The following CDK17 variants were observed in gnomAD, a reference collection of about 807,000 sequenced individuals.
CDK17 encodes the protein cyclin-dependent kinase 17.
CDK17 carries 24 observed loss-of-function variants against 77.6 expected under a neutral mutation model. The observed-to-expected ratio is 0.31, with a 90% confidence interval of 0.22 to 0.44. The LOEUF (loss-of-function observed/expected upper bound fraction) is 0.44. Among genes scored for constraint, CDK17 ranks in the 20% least tolerant of loss-of-function variants. The probability of loss-of-function intolerance (pLI) is 1.00; values close to 1 mark genes in which losing one functional copy is unlikely to be tolerated. For synonymous variants in CDK17, 203 were observed against 210.4 expected (o/e 0.96, Z 0.30); for missense variants, 429 against 622.5 (o/e 0.69, Z 3.31).
At chr12:96,280,707 G>GT (rs1465679860) in intron 16 of CDK17, 101 bp downstream of exon 16, 33 of 1,535,462 alleles carry the variant, frequency 2.1e-5, no homozygotes, top group Non-Finnish European at 2.9e-5. Flanking sequence ...CTGTACATTG[G>GT]TTTTTACATC....
At chr12:96,311,877 T>C (rs1592720130) in intron 4 of CDK17, among the ~76,000 whole-genome samples, 1 of 152,174 alleles carries the variant, frequency 6.6e-6, no homozygotes, top group African/African-American at 2.4e-5. Flanking sequence ...ATATAACCAC[T>C]AAGAAATCAC....
intron 1 of CDK17, among the ~76,000 whole-genome samples, chr12:96,348,523 C>CAAAAAAAAAAAA (rs35363324): frequency 7.5e-5 from 5 of 66,370 alleles, no homozygotes; most frequent in Non-Finnish European, 1.0e-4. Flanking sequence ...GACTCTGTCT[C>CAAAAAAAAAAAA]AAAAAAAAAA....
chr12:96,341,049 G>A (rs1380780083), intron 1 of CDK17, among the ~76,000 whole-genome samples: 3 of 152,010 alleles, frequency 2.0e-5, no homozygotes, highest in Admixed American at 6.6e-5. Context: ...GTGTCCATGC[G>A]TTCTCATTGC....
rs1435786132 is a variant in CDK17 at position 96,278,582 on chromosome 12, A to C, written c.*1660T>G. ...AACAACATGGAGATTTTGTTATTAT[A>C]AATTTCAAAACAAAATGAAGGAATT... On this transcript the variant is annotated 3_prime_UTR_variant, in exon 17 of 17. Transcript: ENST00000261211. 1 of 152,608 alleles carries C rather than the reference A, an allele frequency of 6.6e-6. No individual in the cohort carries two copies. The highest frequency in any genetic ancestry group is 6.5e-5 in the Admixed American group (1 of 15,288). The allele number at this position is 152,608 out of a possible 1,614,324, so 9.5% of individuals were successfully genotyped here.
intron 1 of CDK17, among the ~76,000 whole-genome samples, chr12:96,395,616 G>A (rs1341347796): frequency 1.3e-5 from 2 of 152,172 alleles, no homozygotes; most frequent in African/African-American, 4.8e-5. Context: ...CAAAGTTTAT[G>A]TTATGGACTG....
At chr12:96,305,100 T>C (rs1952560774) in intron 5 of CDK17, among the ~76,000 whole-genome samples, 1 of 152,248 alleles carries the variant, frequency 6.6e-6, no homozygotes, top group Non-Finnish European at 1.5e-5. Flanking sequence ...AAGGAAGCTC[T>C]GATGAATCCT....
intron 13 of CDK17, among the ~76,000 whole-genome samples, chr12:96,284,208 C>T (rs903572184): frequency 9.2e-5 from 14 of 152,134 alleles, no homozygotes; most frequent in Non-Finnish European, 1.9e-4. Flanking sequence ...CAGTGGCTCA[C>T]GCCTGTAATC....
At chr12:96,381,853 CAA>C (rs764840582) in intron 1 of CDK17, among the ~76,000 whole-genome samples, 62 of 152,036 alleles carry the variant, frequency 4.1e-4, no homozygotes, top group Non-Finnish European at 7.2e-4. Context: ...AGGGAGCAGT[CAA>C]AGTCTCCTCC....
At chr12:96,382,332 A>G (rs1953897659) in intron 1 of CDK17, among the ~76,000 whole-genome samples, 1 of 150,848 alleles carries the variant, frequency 6.6e-6, no homozygotes, top group Non-Finnish European at 1.5e-5. Context: ...GACAAATAAC[A>G]AGTTCCAAAA....
At chr12:96,300,155 G>C in intron 6 of CDK17, 149 bp downstream of exon 6, 1 of 600,372 alleles carries the variant, frequency 1.7e-6, no homozygotes, top group Non-Finnish European at 3.0e-6. Flanking sequence ...CTAACTCCTA[G>C]AAACTCTGTT....
At chr12:96,290,160 T>A (rs988084857) in intron 10 of CDK17, among the ~76,000 whole-genome samples, 2 of 152,252 alleles carry the variant, frequency 1.3e-5, no homozygotes, top group Non-Finnish European at 2.9e-5. Context: ...GTAAGTGATA[T>A]AAAACATTTG....
intron 1 of CDK17, among the ~76,000 whole-genome samples, chr12:96,354,963 A>G (rs1469714117): frequency 3.3e-5 from 5 of 152,056 alleles, no homozygotes; most frequent in African/African-American, 1.2e-4. Context: ...CCCACTGCCC[A>G]TAGTGTATTT....
chr12:96,369,949 C>A (rs959001321), intron 1 of CDK17, among the ~76,000 whole-genome samples: 3 of 152,070 alleles, frequency 2.0e-5, no homozygotes, highest in Non-Finnish European at 4.4e-5. Context: ...ATGAACACCC[C>A]AGGGAAGGAT....
intron 1 of CDK17, among the ~76,000 whole-genome samples, chr12:96,385,783 T>C (rs1953963366): frequency 6.6e-6 from 1 of 152,140 alleles, no homozygotes; most frequent in Admixed American, 6.6e-5. Flanking sequence ...TTAAAAATAA[T>C]TTTCTAAAAC....
intron 10 of CDK17, among the ~76,000 whole-genome samples, chr12:96,292,099 T>C (rs925465433): frequency 1.3e-5 from 2 of 152,060 alleles, no homozygotes; most frequent in Admixed American, 6.5e-5. Context: ...CATATGTAAA[T>C]AGCATATAAT....
chr12:96,307,628 TG>T (rs1289836064), intron 5 of CDK17, among the ~76,000 whole-genome samples: 1 of 152,082 alleles, frequency 6.6e-6, no homozygotes, highest in Non-Finnish European at 1.5e-5. Context: ...CCCAACACTG[TG>T]GGAGGCTGAG....
intron 2 of CDK17, among the ~76,000 whole-genome samples, chr12:96,326,903 T>C (rs1952898356): frequency 6.6e-6 from 1 of 152,184 alleles, no homozygotes; most frequent in Non-Finnish European, 1.5e-5. Flanking sequence ...AATTTTATTC[T>C]CAGATTGGAA....
intron 2 of CDK17, among the ~76,000 whole-genome samples, chr12:96,332,747 T>C (rs1565823546): frequency 6.6e-6 from 1 of 152,204 alleles, no homozygotes; most frequent in Non-Finnish European, 1.5e-5. Context: ...AGAAACTCAA[T>C]AGATCGCCTA....
chr12:96,323,845 C>T, intron 3 of CDK17, 103 bp downstream of exon 3: 1 of 794,626 alleles, frequency 1.3e-6, no homozygotes, highest in Admixed American at 3.5e-5. Flanking sequence ...TGATTTTTAT[C>T]TGACAGAAGA....
Sources: allele counts gnomAD v4.1 joint callset (sites outside exome capture counted in the v4.1 genomes callset), GRCh38; gene constraint gnomAD v4.1.1; transcripts MANE v1.5; gene names NCBI Gene and HGNC (gene_info 2026-07-23, HGNC 2026-07-21).